Variants in POTEF observed in about 807,000 individuals in gnomAD.
POTEF encodes the protein ANKRD26-like family C member 1B.
In POTEF, 20 loss-of-function variants were observed where a neutral mutation model predicts 83.2. The observed-to-expected ratio is 0.24, with a 90% CI of 0.17 to 0.35. The LOEUF (loss-of-function observed/expected upper bound fraction) is 0.35, where lower values mean the gene tolerates loss of function less well. Among genes scored for constraint, POTEF ranks in the 10% least tolerant of loss-of-function variants. POTEF has a pLI of 1.00. For missense variants in POTEF, 550 were observed against 1,203.2 expected (o/e 0.46, Z 8.03); for synonymous variants, 196 against 446.4 (o/e 0.44, Z 7.07).
At chr2:130,128,470 C>T (rs1195912225) in intron 1 of POTEF, among the ~76,000 whole-genome samples, 14 of 149,598 alleles carry the variant, frequency 9.4e-5, no homozygotes, top group African/African-American at 3.4e-4. Flanking sequence ...CCTAACCTGA[C>T]CCCTGCCGCC....
At chr2:130,104,862 T>C (rs1475443023) in intron 8 of POTEF, among the ~76,000 whole-genome samples, 1 of 151,400 alleles carries the variant, frequency 6.6e-6, no homozygotes, top group Non-Finnish European at 1.5e-5. Context: ...ACAAGTCTTA[T>C]TAGTGAGAGT....
In POTEF at chr2:130,117,076, T is replaced by C. The variant is rs368010848; in HGVS notation, c.522-1748A>G. Among the ~76,000 whole-genome samples the C allele has an allele frequency of 2.6e-5, 4 of 151,554 alleles. No individual in the cohort carries two copies. In the East Asian group the frequency reaches 7.7e-4, roughly 29 times the overall value. On this transcript the variant is annotated intron_variant, in intron 3 of 16. Coordinates refer to ENST00000409914, the MANE Select transcript of POTEF (RefSeq NM_001099771.2). ...GGAGTTCAATATTTTCAAAGAAAAC[T>C]CCTGTCGAGTAATGCAATACATTTG... is the stretch of plus-strand genomic sequence containing the variant.
At chr2:130,123,649 CAT>C (rs1685041091) in intron 2 of POTEF, among the ~76,000 whole-genome samples, 1 of 151,704 alleles carries the variant, frequency 6.6e-6, no homozygotes, top group Non-Finnish European at 1.5e-5. Flanking sequence ...GAATAAAAAA[CAT>C]ATCTATTATC....
intron 2 of POTEF, among the ~76,000 whole-genome samples, chr2:130,127,328 A>AAAAAAAAG (rs1685123323): frequency 1.5e-5 from 2 of 130,244 alleles, no homozygotes; most frequent in Admixed American, 1.5e-4. Flanking sequence ...CTGTCTCAAA[A>AAAAAAAAG]AAAAAAAAAA....
At chr2:130,117,531 G>A (rs1388380048) in intron 3 of POTEF, among the ~76,000 whole-genome samples, 7 of 151,992 alleles carry the variant, frequency 4.6e-5, no homozygotes, top group African/African-American at 1.7e-4. Context: ...CAGCTAACAC[G>A]AGCAGATTCT....
chr2:130,121,451 A>G (rs2104829937), intron 2 of POTEF, among the ~76,000 whole-genome samples: 1 of 106,758 alleles, frequency 9.4e-6, no homozygotes, highest in Admixed American at 9.9e-5. Flanking sequence ...GCTCGGGCTG[A>G]CGGAGCTGGC....
chr2:130,120,287 T>C lies in POTEF; in HGVS notation c.229A>G (p.Lys77Glu). ...HCFPCCRGSG[K>E]SNVGASGDHD... ...TCTCCAGAAGCGCCCACGTTGCTCTTGCCACTCCCCCTGCAGCAGGGGAAG... is the reference window on the plus strand; with the variant it reads ...TCTCCAGAAGCGCCCACGTTGCTCTCGCCACTCCCCCTGCAGCAGGGGAAG... Residue 77 changes from lysine to glutamate, a missense_variant, in exon 3 of 17, where the codon AAG becomes GAG. Lys to Glu is a moderately conservative substitution (Grantham distance 56). Coordinates refer to ENST00000409914, the MANE Select transcript of POTEF (RefSeq NM_001099771.2). 1.2e-6 allele frequency: 2 copies of C among 1,605,620 alleles called. No individual in the cohort carries two copies. The highest frequency in any genetic ancestry group is 3.4e-5 in the Admixed American group (2 of 59,412).
chr2:130,119,967 C>T, intron 3 of POTEF, 28 bp downstream of exon 3: 1 of 1,362,336 alleles, frequency 7.3e-7, no homozygotes, highest in South Asian at 1.2e-5. Flanking sequence ...CCCCACGTCC[C>T]ACCTCCTCCC....
chr2:130,125,667 T>C (rs1962935), intron 2 of POTEF, among the ~76,000 whole-genome samples: 19 of 151,910 alleles, frequency 1.3e-4, no homozygotes, highest in Middle Eastern at 6.8e-3. Context: ...TACACACAGC[T>C]GACCGAGGTG....
At chr2:130,090,647 C>T (rs1430468625) in intron 12 of POTEF, among the ~76,000 whole-genome samples, 1 of 140,822 alleles carries the variant, frequency 7.1e-6, no homozygotes, top group Admixed American at 7.5e-5. Flanking sequence ...GGAACACAAA[C>T]ATTTACAAAA....
intron 8 of POTEF, among the ~76,000 whole-genome samples, chr2:130,103,432 C>T (rs1165826851): frequency 4.7e-5 from 7 of 149,408 alleles, no homozygotes; most frequent in South Asian, 4.2e-4. Context: ...GCTATGAGAA[C>T]GTCTTCCTTG....
chr2:130,108,250 A>C (rs1368059897), intron 7 of POTEF, among the ~76,000 whole-genome samples, 171 bp from the exon 8 acceptor site: 3 of 151,254 alleles, frequency 2.0e-5, no homozygotes, highest in Non-Finnish European at 4.4e-5. Context: ...TAAGCTTCTA[A>C]TTAAAGAAGA....
At chr2:130,117,067 A>C (rs891471757) in intron 3 of POTEF, among the ~76,000 whole-genome samples, 1 of 151,366 alleles carries the variant, frequency 6.6e-6, no homozygotes, top group Non-Finnish European at 1.5e-5. Context: ...CAATATTTTC[A>C]AAGAAAACTC....
chr2:130,105,074 CTGGAAATT>C (rs1377532496), intron 8 of POTEF, among the ~76,000 whole-genome samples: 1 of 147,790 alleles, frequency 6.8e-6, no homozygotes, highest in African/African-American at 2.6e-5. Context: ...ACCTGGAAAC[CTGGAAATT>C]ATCTGACATT....
intron 8 of POTEF, among the ~76,000 whole-genome samples, chr2:130,103,127 G>T (rs1684419808): frequency 7.3e-6 from 1 of 137,188 alleles, no homozygotes. Context: ...TTTGAGCCAG[G>T]GTCTTGCTCT....
chr2:130,094,894 C>G (rs1279720911), intron 11 of POTEF, among the ~76,000 whole-genome samples: 1 of 140,768 alleles, frequency 7.1e-6, no homozygotes, highest in Non-Finnish European at 1.5e-5. Context: ...TAGTGAATAA[C>G]CACAATATTG....
At chr2:130,103,886 C>T (rs1279068629) in intron 8 of POTEF, among the ~76,000 whole-genome samples, 2 of 141,358 alleles carry the variant, frequency 1.4e-5, no homozygotes, top group South Asian at 2.4e-4. Flanking sequence ...TTGCCAGCAG[C>T]TCAGTAATGC....
At chr2:130,114,779 G>T in intron 5 of POTEF, 102 bp downstream of exon 5, 1 of 1,481,600 alleles carries the variant, frequency 6.7e-7, no homozygotes, top group South Asian at 1.3e-5. Flanking sequence ...TTCCATTCAG[G>T]TTATGCTTGA....
At chr2:130,116,989 A>G (rs565136079) in intron 3 of POTEF, among the ~76,000 whole-genome samples, 3 of 143,666 alleles carry the variant, frequency 2.1e-5, no homozygotes, top group Non-Finnish European at 1.5e-5. Context: ...CCTGCCACAT[A>G]ATAGGTGTCT....
Sources: gnomAD v4.1 joint callset for allele counts (sites outside exome capture counted in the v4.1 genomes callset) on GRCh38, gnomAD v4.1.1 for gene constraint, MANE v1.5 for transcripts, NCBI Gene and HGNC (gene_info 2026-07-23, HGNC 2026-07-21) for gene names.